EYS: variants seen among roughly 807,000 people sequenced by gnomAD.
EYS encodes EGF-like photoreceptor maintenance factor.
In EYS, 250 loss-of-function variants were observed where a neutral mutation model predicts 282.1. The ratio of observed to expected loss-of-function variants is 0.89; its 90% confidence interval spans 0.80 to 0.98. The LOEUF is 0.98. Ranked by LOEUF, EYS falls within the 50% of genes least tolerant of loss-of-function variation. The pLI, the probability that EYS is intolerant of heterozygous loss-of-function variation, is 0.00. For missense variants in EYS, 4,016 were observed against 3,709.0 expected, an observed-to-expected ratio of 1.08 and a Z score of -2.15; for synonymous variants, 1,355 against 1,282.9, an observed-to-expected ratio of 1.06 and a Z score of -1.20.
rs201156936 is a variant in EYS at position 65,317,825 on chromosome 6, C to CCTTT, written c.1766+17151_1766+17154dup. Among the ~76,000 whole-genome samples, 270 of 81,198 alleles carry CCTTT rather than the reference C, an allele frequency of 3.3e-3. 1 individual carries two copies. The highest frequency in any genetic ancestry group is 4.8e-3 in the Non-Finnish European group (191 of 39,830). The allele number at this position is 81,198 out of a possible 152,430, so 53.3% of individuals were successfully genotyped here. On this transcript the variant is annotated intron_variant, in intron 11 of 42. Transcript: ENST00000503581. ...TCCTTCCTTCCTTCCTTCCTTCCTTCCTTTCTTTCTTTCTTTCTTTCTTTC... is the reference window on the plus strand; with the variant it reads ...TCCTTCCTTCCTTCCTTCCTTCCTTCCTTTCTTTCTTTCTTTCTTTCTTTCTTTC...
At chr6:64,376,804 G>A (rs573647892) in intron 29 of EYS, among the ~76,000 whole-genome samples, 1 of 152,064 alleles carries the variant, frequency 6.6e-6, no homozygotes, top group African/African-American at 2.4e-5. Flanking sequence ...TTTTTTTAAA[G>A]TGAATTTATC....
chr6:65,614,029 T>C (rs1385052048), intron 2 of EYS, among the ~76,000 whole-genome samples: 3 of 152,012 alleles, frequency 2.0e-5, no homozygotes. Context: ...CCATGATTAG[T>C]ACAAAATTTA....
chr6:64,623,204 C>T (rs1009255575), intron 23 of EYS, among the ~76,000 whole-genome samples: 1 of 152,078 alleles, frequency 6.6e-6, no homozygotes, highest in Admixed American at 6.6e-5. Context: ...CTGTGTAATA[C>T]ATTACTATTA....
rs1769269889 is a variant in EYS, at chr6:64,945,850, C to T, written c.2324G>A (p.Cys775Tyr). The change falls in exon 15 of 43, where the codon TGT (cysteine) becomes TAT (tyrosine). Residue 775 changes from cysteine (C) to tyrosine (Y), a missense_variant. Coordinates refer to ENST00000503581, the MANE Select transcript of EYS (RefSeq NM_001142800.2). ...ATTGTTCTTGCAAGGATTCATTTTA[C>T]ACTCATTGGATTCTTGTTCACAAAA... is the stretch of plus-strand genomic sequence containing the variant. ...GNFCEQESNE[C>Y]KMNPCKNNST... 6.5e-7 allele frequency: 1 copy of T among 1,549,374 alleles called. No individual in the cohort carries two copies. The highest frequency in any genetic ancestry group is 1.4e-5 in the African/African-American group (1 of 72,906).
At chr6:65,431,603 G>A (rs1294563905) in intron 5 of EYS, among the ~76,000 whole-genome samples, 1 of 151,870 alleles carries the variant, frequency 6.6e-6, no homozygotes, top group Non-Finnish European at 1.5e-5. Context: ...CATTATATAT[G>A]ACAGTAACAT....
rs752266932 is a variant in EYS at position 64,019,422 on chromosome 6, AT to A, written c.6726-20240del. On this transcript the variant is annotated intron_variant, in intron 33 of 42. Coordinates refer to ENST00000503581, the MANE Select transcript of EYS (RefSeq NM_001142800.2). ...AAGATATTTTCTTTCTTTCCTTTTT[AT>A]TTTTTTAAACGGAGTCTCGCTCTGT... 4.6e-5 allele frequency among the ~76,000 whole-genome samples: 7 copies of A among 151,018 alleles called. No individual in the cohort carries two copies. In the East Asian group the frequency reaches 1.4e-3, roughly 29 times the overall value.
chr6:64,357,776 T>C (rs1362394514), intron 29 of EYS, among the ~76,000 whole-genome samples: 1 of 151,600 alleles, frequency 6.6e-6, no homozygotes, highest in East Asian at 2.0e-4. Context: ...AGACAATACA[T>C]TAAAAGTGTG....
rs188509538 is a variant in EYS at position 65,168,893 on chromosome 6, A to T, written c.2024-111166T>A. On this transcript the variant is annotated intron_variant, in intron 12 of 42. Coordinates refer to ENST00000503581, the MANE Select transcript of EYS (RefSeq NM_001142800.2). ...AAGCAACTTTTTCAAAATTGGCCAA[A>T]GAGATCATGGCTGATATCTCTGGAT... 9.7e-4 allele frequency among the ~76,000 whole-genome samples: 147 copies of T among 151,484 alleles called. 1 individual carries two copies. Among genetic ancestry groups the T allele is most frequent in the African/African-American group, 3.4e-3 (139 of 41,444 alleles).
chr6:64,635,571 A>G (rs1035720899), intron 22 of EYS, among the ~76,000 whole-genome samples: 2 of 152,150 alleles, frequency 1.3e-5, no homozygotes, highest in Admixed American at 6.5e-5. Flanking sequence ...CTCTGCATCT[A>G]TTGAGATTAT....
intron 2 of EYS, among the ~76,000 whole-genome samples, chr6:65,589,275 C>T (rs1368522529): frequency 6.6e-6 from 1 of 152,070 alleles, no homozygotes. Flanking sequence ...CTGCATGTTG[C>T]ATTCTGGCCA....
At chr6:64,371,486 C>A (rs549817958) in intron 29 of EYS, among the ~76,000 whole-genome samples, 5 of 151,930 alleles carry the variant, frequency 3.3e-5, no homozygotes, top group African/African-American at 1.2e-4. Context: ...AAGGCATATT[C>A]TGTTGGTATT....
At chr6:63,908,037 TG>T (rs2149736003) in intron 35 of EYS, among the ~76,000 whole-genome samples, 1 of 35,040 alleles carries the variant, frequency 2.9e-5, no homozygotes, top group South Asian at 1.1e-3. Flanking sequence ...TATATACGTT[TG>T]TGTGTGTGTG....
chr6:64,686,112 A>C (rs1040994873), intron 22 of EYS, among the ~76,000 whole-genome samples: 1 of 152,118 alleles, frequency 6.6e-6, no homozygotes, highest in African/African-American at 2.4e-5. Flanking sequence ...ATTAAAAAAA[A>C]ACAGGAAACT....
At chr6:65,192,469 A>G (rs1367793341) in intron 12 of EYS, among the ~76,000 whole-genome samples, 1 of 151,756 alleles carries the variant, frequency 6.6e-6, no homozygotes, top group African/African-American at 2.4e-5. Context: ...AAAGGACTAT[A>G]ATTTTTTACA....
At chr6:63,893,897 A>G (rs1294552428) in intron 35 of EYS, among the ~76,000 whole-genome samples, 1 of 152,144 alleles carries the variant, frequency 6.6e-6, no homozygotes, top group Admixed American at 6.5e-5. Context: ...CCTGTCCACT[A>G]AGAATATAAG....
At chr6:64,223,150 T>G (rs1240022906) in intron 31 of EYS, among the ~76,000 whole-genome samples, 1 of 151,968 alleles carries the variant, frequency 6.6e-6, no homozygotes, top group African/African-American at 2.4e-5. Context: ...CATTAAAAAT[T>G]AAGTTGCATG....
At chr6:64,888,574 G>T (rs557965146) in intron 18 of EYS, among the ~76,000 whole-genome samples, 2 of 151,972 alleles carry the variant, frequency 1.3e-5, no homozygotes, top group African/African-American at 4.8e-5. Flanking sequence ...TGAAAGAGTA[G>T]AGTATTTCCC....
chr6:64,002,167 G>A (rs888754202), intron 33 of EYS, among the ~76,000 whole-genome samples: 7 of 152,204 alleles, frequency 4.6e-5, no homozygotes, highest in Non-Finnish European at 7.3e-5. Context: ...ATGCCAAGGG[G>A]AGTTTGGCTG....
chr6:65,469,950 A>G (rs746158519), intron 5 of EYS, among the ~76,000 whole-genome samples: 4 of 152,154 alleles, frequency 2.6e-5, no homozygotes, highest in Non-Finnish European at 4.4e-5. Flanking sequence ...CTTCCTCCAC[A>G]TGGCATTTTA....
Sources: gnomAD v4.1 joint callset for allele counts (sites outside exome capture counted in the v4.1 genomes callset) on GRCh38, gnomAD v4.1.1 for gene constraint, MANE v1.5 for transcripts, NCBI Gene and HGNC (gene_info 2026-07-23, HGNC 2026-07-21) for gene names.